Variants in TARS1 observed in about 807,000 individuals in gnomAD.
TARS1 encodes the protein threonyl-tRNA synthetase 1.
Under a neutral mutation model 97.7 loss-of-function variants are expected in TARS1, and 57 were observed. That is an observed-to-expected ratio of 0.58 (90% CI 0.47 to 0.73). The LOEUF (loss-of-function observed/expected upper bound fraction) is 0.73. Ranked by LOEUF, TARS1 falls within the 30% of genes least tolerant of loss-of-function variation. The probability of loss-of-function intolerance (pLI) is 0.00; values close to 1 mark genes in which losing one functional copy is unlikely to be tolerated. For missense variants in TARS1, 806 were observed against 888.3 expected, an observed-to-expected ratio of 0.91 and a Z score of 1.18; for synonymous variants, 312 against 293.7, an observed-to-expected ratio of 1.06 and a Z score of -0.64.
At position 33,460,883 on chromosome 5, in the gene TARS1, C is replaced by CT. The variant is rs1426067223; in HGVS notation, c.1251-15dup. 6.2e-7 allele frequency: 1 copy of CT among 1,613,256 alleles called. No homozygotes were observed. Among genetic ancestry groups the CT allele is most frequent in the Middle Eastern group, 1.7e-4 (1 of 6,052 alleles). ...AGTTTTATTCTTAAGTGTCCGTGGA[C>CT]TTTTCTTTTTCTCTTCAGCCTTATG... On this transcript the variant is annotated intron_variant, in intron 11 of 18. Transcript: ENST00000265112.
At chr5:33,450,081 A>G (rs970217450) in intron 3 of TARS1, among the ~76,000 whole-genome samples, 5 of 152,256 alleles carry the variant, frequency 3.3e-5, no homozygotes, top group African/African-American at 1.2e-4. Flanking sequence ...ATGTAGTTGT[A>G]GAGTTACACC....
intron 16 of TARS1, 61 bp from the exon 17 acceptor site, chr5:33,463,692 G>A: frequency 7.3e-7 from 1 of 1,377,214 alleles, no homozygotes; most frequent in Non-Finnish European, 1.0e-6. Flanking sequence ...TAAGAAATAT[G>A]CTGTCCCTGT....
At chr5:33,456,374 C>T (rs1218699385) in intron 8 of TARS1, 147 bp downstream of exon 8, 12 of 682,140 alleles carry the variant, frequency 1.8e-5, no homozygotes, top group Non-Finnish European at 2.4e-5. Context: ...AGCTGTATGC[C>T]ATCAGGATTT....
intron 3 of TARS1, among the ~76,000 whole-genome samples, chr5:33,449,445 CTTTTTTTTTTTT>C (rs57691465): frequency 1.2e-4 from 8 of 69,144 alleles, no homozygotes; most frequent in Admixed American, 2.1e-4. Context: ...TTTTTTCTTT[CTTTTTTTTTTTT>C]TTTTTTTTTT....
chr5:33,449,960 A>AAT (rs746500965), intron 3 of TARS1, among the ~76,000 whole-genome samples: 1 of 152,272 alleles, frequency 6.6e-6, no homozygotes, highest in African/African-American at 2.4e-5. Flanking sequence ...TAAAACAGTG[A>AAT]ATATATATAT....
chr5:33,443,150 A>G (rs1741200348), intron 1 of TARS1, among the ~76,000 whole-genome samples: 1 of 152,202 alleles, frequency 6.6e-6, no homozygotes, highest in African/African-American at 2.4e-5. Flanking sequence ...AGTGTTGTAG[A>G]AAAGGGGTCA....
Position 33,463,756 on chromosome 5 carries a change from C to T in TARS1, c.1839C>T (p.Pro613=), listed in dbSNP as rs766337145. ...ATATTTTTATTCTCTTCCAAAGGCC[C>T]TTTTGGCTGTCCCCTCGCCAGGTAA... ...ILTENYGGKW[P]FWLSPRQVMV... is the part of the protein sequence containing the mutation. Residue 613 remains proline (P), a synonymous_variant, in exon 17 of 19, where the codon CCC becomes CCT. Coordinates refer to ENST00000265112, the MANE Select transcript of TARS1 (RefSeq NM_152295.5). 6.2e-7 allele frequency: 1 copy of T among 1,611,204 alleles called. No individual in the cohort carries two copies. Among genetic ancestry groups the T allele is most frequent in the Non-Finnish European group, 8.5e-7 (1 of 1,178,512 alleles).
intron 3 of TARS1, among the ~76,000 whole-genome samples, chr5:33,452,792 C>G (rs1299920115): frequency 6.7e-6 from 1 of 149,774 alleles, no homozygotes; most frequent in East Asian, 2.0e-4. Flanking sequence ...CCTTTGGAGT[C>G]TACATAGCTT....
rs1742001243 is a variant in TARS1, at chr5:33,456,024, T to A, written c.716T>A (p.Ile239Lys). Reference sequence around the variant, plus strand: ...CAGTACAACAAGTTCAAATGCCGGATATTGAATGAAAAGGTGAATACTCCA... The same window carrying A: ...CAGTACAACAAGTTCAAATGCCGGAAATTGAATGAAAAGGTGAATACTCCA... ...MFKYNKFKCR[I>K]LNEKVNTPTT... is the part of the protein sequence containing the mutation. Residue 239 changes from isoleucine to lysine, a missense_variant, in exon 7 of 19, where the codon ATA becomes AAA. Physicochemically the swap from Ile to Lys is moderately radical, Grantham distance 102 (BLOSUM62 -3). Around this residue, in one of 3 missense-constraint regions of TARS1, gnomAD observed 356 missense variants for 357.8 expected, o/e 0.99. Transcript: ENST00000265112. 1 of 1,613,894 alleles carries A rather than the reference T, an allele frequency of 6.2e-7. No homozygotes were observed. The highest frequency in any genetic ancestry group is 8.5e-7 in the Non-Finnish European group (1 of 1,179,902).
chr5:33,443,988 A>G (rs1262553793), intron 1 of TARS1, among the ~76,000 whole-genome samples: 2 of 152,154 alleles, frequency 1.3e-5, no homozygotes, highest in African/African-American at 4.8e-5. Context: ...CAAGTAACGC[A>G]TTTTATAGGA....
At chr5:33,455,727 G>A in intron 6 of TARS1, 23 bp downstream of exon 6, 1 of 1,476,474 alleles carries the variant, frequency 6.8e-7, no homozygotes, top group Non-Finnish European at 9.4e-7. Context: ...ATAGTGCGTG[G>A]CCCCCACTGT....
chr5:33,459,757 C>T lies in TARS1; in HGVS notation c.1146C>T (p.Leu382=). ...CCCCAAACATCTTCAACAGCCGACT[C>T]TGGATGACCTCGGGCCACTGGCAGC... ...VVTPNIFNSR[L]WMTSGHWQHY... The change falls in exon 11 of 19, where the codon CTC becomes CTT. Residue 382 remains leucine, a synonymous_variant. Transcript: ENST00000265112. 6.2e-7 allele frequency: 1 copy of T among 1,614,192 alleles called. No individual in the cohort carries two copies. The highest frequency in any genetic ancestry group is 8.5e-7 in the Non-Finnish European group (1 of 1,180,034).
rs1391766251 is a variant in TARS1 at position 33,458,589 on chromosome 5, T to A, written c.1008T>A (p.His336Gln). ...IGRDQELYFF[H>Q]ELSPGSCFFL... is the part of the protein sequence containing the mutation. ...AGGACCAAGAACTATATTTCTTTCATGAACTCAGCCCTGGAAGTTGCTTTT... is the reference window on the plus strand; with the variant it reads ...AGGACCAAGAACTATATTTCTTTCAAGAACTCAGCCCTGGAAGTTGCTTTT... The change falls in exon 10 of 19, where the codon CAT becomes CAA. Residue 336 changes from histidine (H) to glutamine (Q), a missense_variant. This residue lies in a region of TARS1 where 446 missense variants were observed against 511.0 expected (regional missense o/e 0.87). Coordinates refer to ENST00000265112, the MANE Select transcript of TARS1 (RefSeq NM_152295.5). 1 of 1,613,446 alleles carries A rather than the reference T, an allele frequency of 6.2e-7. No individual in the cohort carries two copies. The highest frequency in any genetic ancestry group is 1.3e-5 in the African/African-American group (1 of 75,056).
intron 3 of TARS1, chr5:33,452,306 G>A (rs922397388): frequency 5.5e-6 from 8 of 1,453,064 alleles, no homozygotes; most frequent in Non-Finnish European, 7.5e-6. Context: ...GCATTTAGAT[G>A]TATAATCTGG....
chr5:33,455,883 T>C (rs1281208010), intron 6 of TARS1, 119 bp from the exon 7 acceptor site: 3 of 1,015,378 alleles, frequency 3.0e-6, no homozygotes, highest in Non-Finnish European at 4.3e-6. Flanking sequence ...TCCTTCAACA[T>C]GTTTTTAAAA....
Position 33,454,969 on chromosome 5 carries a change from A to T in TARS1, c.478A>T (p.Ile160Leu). 1 of 1,613,996 alleles carries T rather than the reference A, an allele frequency of 6.2e-7. No homozygotes were observed. The highest frequency in any genetic ancestry group is 1.7e-4 in the Middle Eastern group (1 of 6,060). The change falls in exon 5 of 19, where the codon ATA becomes TTA. Residue 160 changes from isoleucine to leucine, a missense_variant. Around this residue, in one of 3 missense-constraint regions of TARS1, gnomAD observed 356 missense variants for 357.8 expected, o/e 0.99. Coordinates refer to ENST00000265112, the MANE Select transcript of TARS1 (RefSeq NM_152295.5). The stretch of plus-strand genomic sequence containing the variant: ...GGTGTATTGGCACTCTAGTGCTCAC[A>T]TAATGGGTGAAGCCATGGAAAGAGT... ...QAVYWHSSAH[I>L]MGEAMERVYG...
chr5:33,452,422 GCCT>G, intron 3 of TARS1: 1 of 1,535,106 alleles, frequency 6.5e-7, no homozygotes, highest in South Asian at 1.2e-5. Context: ...GAATGCCATG[GCCT>G]CCTCTTTTCT....
Position 33,466,954 on chromosome 5 carries a change from TGCACAGTTA to T in TARS1, c.2000_2008del (p.Leu667_Gln669del). 3 of 1,606,830 alleles carry T rather than the reference TGCACAGTTA, an allele frequency of 1.9e-6. No individual in the cohort carries two copies. Among genetic ancestry groups the T allele is most frequent in the Non-Finnish European group, 2.5e-6 (3 of 1,176,956 alleles). On this transcript the variant is annotated inframe_deletion, in exon 18 of 19. Coordinates refer to ENST00000265112, the MANE Select transcript of TARS1 (RefSeq NM_152295.5). ...GTACATTGAATAAAAAGATTCGAAA[TGCACAGTTA>T]GCACAGTATAACTTCATTTTAGGTA... is the stretch of plus-strand genomic sequence containing the variant.
At chr5:33,445,162 G>A (rs1025286072) in intron 1 of TARS1, among the ~76,000 whole-genome samples, 162 bp from the exon 2 acceptor site, 2 of 152,098 alleles carry the variant, frequency 1.3e-5, no homozygotes, top group African/African-American at 2.4e-5. Context: ...TTGTTAACCT[G>A]TCTTTGCCAG....
Sources: allele counts gnomAD v4.1 joint callset (sites outside exome capture counted in the v4.1 genomes callset), GRCh38; gene constraint gnomAD v4.1.1; regional missense constraint gnomAD v4.1.1; transcripts MANE v1.5; gene names NCBI Gene and HGNC (gene_info 2026-07-23, HGNC 2026-07-21).